The following GRK1 variants were observed in gnomAD, a reference collection of about 807,000 sequenced individuals.
GRK1 encodes rhodopsin kinase GRK1.
In GRK1, 28 loss-of-function variants were observed where a neutral mutation model predicts 41.7. That is an observed-to-expected ratio of 0.67 (90% CI 0.50 to 0.92). The LOEUF (loss-of-function observed/expected upper bound fraction) is 0.92, where lower values mean the gene tolerates loss of function less well. Among genes scored for constraint, GRK1 ranks in the 40% least tolerant of loss-of-function variants. The pLI is 0.00. For missense variants in GRK1, 703 were observed against 671.2 expected (o/e 1.05, Z -0.52); for synonymous variants, 327 against 286.7 (o/e 1.14, Z -1.42).
intron 4 of GRK1, among the ~76,000 whole-genome samples, chr13:113,725,221 G>T (rs1409474594): frequency 3.3e-5 from 5 of 152,278 alleles, no homozygotes; most frequent in African/African-American, 1.2e-4. Context: ...GCCATAAGAA[G>T]CCTGTCGGGG....
the GRK1 span, among the ~76,000 whole-genome samples, chr13:113,660,212 C>T: frequency 1.3e-5 from 2 of 152,166 alleles, no homozygotes; most frequent in African/African-American, 4.8e-5. Flanking sequence ...CTGGCAGCCA[C>T]CGGTCACCCC....
intron 6 of GRK1, among the ~76,000 whole-genome samples, chr13:113,733,706 T>G (rs879440223): frequency 8.2e-6 from 1 of 121,342 alleles, no homozygotes; most frequent in African/African-American, 3.1e-5. Context: ...CATGTGTGCG[T>G]GTGTGCGCAC....
intron 4 of GRK1, 23 bp downstream of exon 4, chr13:113,723,180 G>C (rs933493472): frequency 4.3e-6 from 3 of 696,636 alleles, no homozygotes; most frequent in African/African-American, 3.5e-5. Flanking sequence ...GCGCAGCTGG[G>C]GAGGCTCCGT....
chr13:113,726,595 G>C (rs1240715126), intron 4 of GRK1: 1 of 155,172 alleles, frequency 6.4e-6, no homozygotes, highest in African/African-American at 2.4e-5. Context: ...CGTGGCTGCA[G>C]GTCCCTCAGG....
intron 6 of GRK1, 128 bp downstream of exon 6, chr13:113,733,213 GC>G: frequency 2.2e-6 from 2 of 897,740 alleles, no homozygotes; most frequent in Non-Finnish European, 3.3e-6. Flanking sequence ...CTCTCCCTCT[GC>G]CCCCAGCAAG....
At chr13:113,663,265 G>A (rs921496123), upstream of GRK1, among the ~76,000 whole-genome samples, 1 of 152,216 alleles carries the variant, frequency 6.6e-6, no homozygotes, top group African/African-American at 2.4e-5. Flanking sequence ...AACAAACAGT[G>A]CTGGAGCTAT....
At chr13:113,664,161 G>T (rs1299163076), upstream of GRK1, among the ~76,000 whole-genome samples, 1 of 152,136 alleles carries the variant, frequency 6.6e-6, no homozygotes, top group Non-Finnish European at 1.5e-5. The surrounding 1 kb of genome is among the most constrained non-coding windows in gnomAD (Gnocchi z 5.4). Flanking sequence ...CATAGTGTCT[G>T]ACTCCATTCA....
chr13:113,651,314 T>C, the GRK1 span, among the ~76,000 whole-genome samples: 1 of 152,256 alleles, frequency 6.6e-6, no homozygotes, highest in Non-Finnish European at 1.5e-5. Flanking sequence ...TAAACAACTG[T>C]AGCTGCTGGC....
chr13:113,665,646 G>A (rs1424935032), upstream of GRK1, among the ~76,000 whole-genome samples: 8 of 132,892 alleles, frequency 6.0e-5, no homozygotes, highest in African/African-American at 2.3e-4. Flanking sequence ...GCTGTCTCCA[G>A]TGTGTCCCAG....
At chr13:113,654,760 G>A in the GRK1 span, 2 of 1,588,782 alleles carry the variant, frequency 1.3e-6, no homozygotes, top group Non-Finnish European at 1.7e-6. Context: ...CAGAGCCGAG[G>A]AGGCGGCAGC....
At chr13:113,727,210 G>A (rs909908318) in intron 4 of GRK1, among the ~76,000 whole-genome samples, 2 of 152,284 alleles carry the variant, frequency 1.3e-5, no homozygotes, top group Non-Finnish European at 2.9e-5. Flanking sequence ...CACCAGAGCA[G>A]ACGTCTGCCA....
chr13:113,670,321 C>T (rs559600274), intron 2 of GRK1, among the ~76,000 whole-genome samples: 6 of 152,310 alleles, frequency 3.9e-5, no homozygotes, highest in African/African-American at 7.2e-5. Flanking sequence ...GCCCCAGGCC[C>T]GTGCTGGGGA....
chr13:113,655,587 C>T, the GRK1 span, among the ~76,000 whole-genome samples: 1 of 152,210 alleles, frequency 6.6e-6, no homozygotes, highest in African/African-American at 2.4e-5. Context: ...TCCCCGTGGC[C>T]ATGGGCGGCT....
Position 113,728,267 on chromosome 13 carries a change from C to T in GRK1, c.1070-2952C>T, listed in dbSNP as rs866672703. Among the ~76,000 whole-genome samples, 357 of 94,484 alleles carry T rather than the reference C, an allele frequency of 3.8e-3. 5 individuals carry two copies. Among genetic ancestry groups the T allele is most frequent in the African/African-American group, 0.022 (319 of 14,498 alleles). The allele number at this position is 94,484 out of a possible 152,430, so 62.0% of individuals were successfully genotyped here. A position where few individuals can be genotyped will look rare whatever the true frequency, so the allele number is the denominator to read the frequency against. On this transcript the variant is annotated intron_variant, in intron 4 of 6. Coordinates refer to ENST00000335678, the MANE Select transcript of GRK1 (RefSeq NM_002929.3). ...CCATGGCGATGAGGAGTACCCATGGCGATGAGGAGTACCCATGGCGATGAG... is the reference window on the plus strand; with the variant it reads ...CCATGGCGATGAGGAGTACCCATGGTGATGAGGAGTACCCATGGCGATGAG...
chr13:113,733,945 C>T (rs868377395), intron 6 of GRK1, among the ~76,000 whole-genome samples: 193 of 80,272 alleles, frequency 2.4e-3, no homozygotes, highest in Middle Eastern at 0.017. Context: ...TACGTGTGTG[C>T]GTGTGTGTGC....
chr13:113,669,005 AT>A (rs890026079), intron 1 of GRK1, among the ~76,000 whole-genome samples: 2 of 152,190 alleles, frequency 1.3e-5, no homozygotes, highest in African/African-American at 4.8e-5. Context: ...TGTAGCAGTA[AT>A]TTTTAAAAAT....
At chr13:113,658,212 C>T in the GRK1 span, 1 of 1,428,138 alleles carries the variant, frequency 7.0e-7, no homozygotes, top group African/African-American at 1.4e-5. Flanking sequence ...GCCAGATGCC[C>T]ACCTCTGGGC....
intron 6 of GRK1, among the ~76,000 whole-genome samples, chr13:113,733,513 G>GGGTGTGCA (rs1555361090): frequency 7.6e-6 from 1 of 132,248 alleles, no homozygotes; most frequent in Non-Finnish European, 1.8e-5. Context: ...GTGTGCACGT[G>GGGTGTGCA]TGTGTGCATG....
In GRK1 at chr13:113,731,520, C is replaced by A; in HGVS notation, c.1194+177C>A. 2.0e-6 allele frequency: 1 copy of A among 499,894 alleles called. No individual in the cohort carries two copies. Among genetic ancestry groups the A allele is most frequent in the Non-Finnish European group, 2.6e-6 (1 of 386,440 alleles). The allele number at this position is 499,894 out of a possible 1,614,324, so 31.0% of individuals were successfully genotyped here. A position where few individuals can be genotyped will look rare whatever the true frequency, so the allele number is the denominator to read the frequency against. ...TTGCTCCTGGGCCATGCTGTTCTGT[C>A]TCAGTGGGTGACGCCCCCAGCCCCT... On this transcript the variant is annotated intron_variant, in intron 5 of 6. Transcript: ENST00000335678. This position sits in a 1 kb window ranked among gnomAD's most constrained non-coding sequence, Gnocchi z 5.6.
Sources: allele counts gnomAD v4.1 joint callset (sites outside exome capture counted in the v4.1 genomes callset), GRCh38; gene constraint gnomAD v4.1.1; non-coding constraint Gnocchi (gnomAD v3.1); transcripts MANE v1.5; gene names NCBI Gene and HGNC (gene_info 2026-07-23, HGNC 2026-07-21).